The following ADAMTS19 variants were observed in gnomAD, a reference collection of about 807,000 sequenced individuals.
The protein encoded by ADAMTS19 is A disintegrin and metalloproteinase with thrombospondin motifs 19.
Under a neutral mutation model 153.3 loss-of-function variants are expected in ADAMTS19, and 93 were observed. That is an observed-to-expected ratio of 0.61 (90% CI 0.51 to 0.72). The LOEUF is 0.72. Ranked by LOEUF, ADAMTS19 falls within the 30% of genes least tolerant of loss-of-function variation. ADAMTS19 has a pLI of 0.00. For synonymous variants in ADAMTS19, 600 were observed against 556.6 expected (o/e 1.08, Z -1.10); for missense variants, 1,482 against 1,552.1 (o/e 0.95, Z 0.76).
intron 6 of ADAMTS19, among the ~76,000 whole-genome samples, chr5:129,532,560 C>T (rs558970860): frequency 2.0e-5 from 3 of 152,212 alleles, no homozygotes; most frequent in Admixed American, 6.5e-5. Flanking sequence ...ATTTGCTTAC[C>T]ATTTAGCCCA....
chr5:129,687,754 T>G (rs1028157917), intron 18 of ADAMTS19, among the ~76,000 whole-genome samples: 1 of 152,182 alleles, frequency 6.6e-6, no homozygotes, highest in African/African-American at 2.4e-5. Context: ...ACTGCCTTCA[T>G]GAATGGCTCA....
chr5:129,527,375 GTT>G (rs1023134798), intron 4 of ADAMTS19, among the ~76,000 whole-genome samples: 6 of 140,310 alleles, frequency 4.3e-5, no homozygotes, highest in Admixed American at 7.2e-5. Flanking sequence ...GGGGAACAGA[GTT>G]TTTTTTTTTT....
intron 21 of ADAMTS19, among the ~76,000 whole-genome samples, chr5:129,714,456 T>G (rs1037271085): frequency 7.5e-5 from 11 of 147,606 alleles, no homozygotes; most frequent in African/African-American, 1.3e-4. Context: ...AAAATATATA[T>G]CTATAGGTCT....
At chr5:129,676,036 G>GA (rs1308088024) in intron 16 of ADAMTS19, among the ~76,000 whole-genome samples, 2 of 151,826 alleles carry the variant, frequency 1.3e-5, no homozygotes, top group African/African-American at 4.8e-5. Context: ...CTCCATCTCA[G>GA]AAAAAATAAT....
chr5:129,543,070 AAGG>A (rs1752715532), intron 6 of ADAMTS19, among the ~76,000 whole-genome samples: 1 of 148,238 alleles, frequency 6.7e-6, no homozygotes, highest in African/African-American at 2.5e-5. Flanking sequence ...TTAATTTAAG[AAGG>A]AGTTTTGCTC....
intron 2 of ADAMTS19, among the ~76,000 whole-genome samples, chr5:129,506,387 G>GT (rs1412135552): frequency 6.6e-6 from 1 of 151,778 alleles, no homozygotes; most frequent in Non-Finnish European, 1.5e-5. Context: ...ATTCCAACTT[G>GT]TTTTTTCCTT....
At chr5:129,581,199 T>C (rs1259855239) in intron 7 of ADAMTS19, among the ~76,000 whole-genome samples, 2 of 152,208 alleles carry the variant, frequency 1.3e-5, no homozygotes, top group Non-Finnish European at 2.9e-5. Context: ...CTATTTCTTC[T>C]AGATTTTCTA....
intron 17 of ADAMTS19, 145 bp downstream of exon 17, chr5:129,680,066 T>C (rs987743041): frequency 2.2e-6 from 2 of 929,528 alleles, no homozygotes; most frequent in Admixed American, 7.1e-5. Flanking sequence ...TTAGAGGTTT[T>C]GTAAAATGTG....
At position 129,683,771 on chromosome 5, in the gene ADAMTS19, G is replaced by T. The variant is rs142961416; in HGVS notation, c.2665-349G>T. On this transcript the variant is annotated intron_variant, in intron 17 of 22. Transcript: ENST00000274487. ...CCACTTTTGCCCACCTCCAACTAAA[G>T]TCATCTTATACATTTACTATGCTTT... Among the ~76,000 whole-genome samples, 12 of 150,512 alleles carry T rather than the reference G, an allele frequency of 8.0e-5. No homozygotes were observed. The East Asian group carries it at 2.3e-3, about 29-fold the overall frequency.
intron 10 of ADAMTS19, among the ~76,000 whole-genome samples, chr5:129,630,514 T>C (rs1357292747): frequency 1.3e-5 from 2 of 152,042 alleles, no homozygotes; most frequent in African/African-American, 4.8e-5. Context: ...AATGGGTAAA[T>C]AAAAGCTTTT....
intron 16 of ADAMTS19, among the ~76,000 whole-genome samples, chr5:129,672,244 C>T (rs576884270): frequency 4.5e-4 from 69 of 152,202 alleles, no homozygotes; most frequent in African/African-American, 1.7e-3. Flanking sequence ...TCATCTAATC[C>T]TAATTACCTC....
At chr5:129,484,091 G>A (rs1750510598) in intron 2 of ADAMTS19, among the ~76,000 whole-genome samples, 1 of 151,996 alleles carries the variant, frequency 6.6e-6, no homozygotes, top group Non-Finnish European at 1.5e-5. Flanking sequence ...AATTTTTAAT[G>A]TTTATTTCCA....
chr5:129,529,513 C>A (rs1029010266), intron 6 of ADAMTS19, among the ~76,000 whole-genome samples: 1 of 152,134 alleles, frequency 6.6e-6, no homozygotes, highest in Admixed American at 6.6e-5. Flanking sequence ...GTTTCTGCAA[C>A]AAGCAATCAT....
At position 129,694,756 on chromosome 5, in the gene ADAMTS19, T is replaced by C. The variant is rs1755480889; in HGVS notation, c.2855T>C (p.Met952Thr). 2 of 1,606,494 alleles carry C rather than the reference T, an allele frequency of 1.2e-6. No homozygotes were observed. The highest frequency in any genetic ancestry group is 1.3e-5 in the African/African-American group (1 of 74,588). The change falls in exon 19 of 23, where the codon ATG (methionine) becomes ACG (threonine). Residue 952 changes from methionine (M) to threonine (T), a missense_variant. Coordinates refer to ENST00000274487, the MANE Select transcript of ADAMTS19 (RefSeq NM_133638.6). ...ACAACAGTGTCCTGCACAAAAATCA[T>C]GAGCAAAAATATCAGCATTGTGGAC... is the stretch of plus-strand genomic sequence containing the variant. ...RKTTVSCTKI[M>T]SKNISIVDNE...
chr5:129,577,750 T>C (rs1293933802), intron 7 of ADAMTS19, among the ~76,000 whole-genome samples: 1 of 152,088 alleles, frequency 6.6e-6, no homozygotes, highest in Non-Finnish European at 1.5e-5. Flanking sequence ...TTTTGACTGA[T>C]TTGACAAATT....
intron 21 of ADAMTS19, among the ~76,000 whole-genome samples, chr5:129,719,616 A>T (rs1756891422): frequency 6.6e-6 from 1 of 152,224 alleles, no homozygotes; most frequent in East Asian, 1.9e-4. Context: ...ACAAATATGG[A>T]ACATTTTCTC....
chr5:129,733,936 AGTGTGTGC>A (rs1470553590), intron 21 of ADAMTS19, among the ~76,000 whole-genome samples: 66 of 143,454 alleles, frequency 4.6e-4, no homozygotes, highest in African/African-American at 1.5e-3. Context: ...GGATAAAGCA[AGTGTGTGC>A]GTGTGTGTGT....
intron 7 of ADAMTS19, among the ~76,000 whole-genome samples, chr5:129,563,391 G>A (rs1029828249): frequency 1.3e-5 from 2 of 152,122 alleles, no homozygotes; most frequent in Non-Finnish European, 2.9e-5. Context: ...TGGACTAGGC[G>A]AAGAATAGGT....
At chr5:129,576,058 G>C (rs1754087208) in intron 7 of ADAMTS19, among the ~76,000 whole-genome samples, 1 of 151,408 alleles carries the variant, frequency 6.6e-6, no homozygotes, top group African/African-American at 2.4e-5. Context: ...GGGAGGAAGG[G>C]GGTGGGTGGG....
Sources: allele counts gnomAD v4.1 joint callset (sites outside exome capture counted in the v4.1 genomes callset), GRCh38; gene constraint gnomAD v4.1.1; transcripts MANE v1.5; gene names NCBI Gene and HGNC (gene_info 2026-07-23, HGNC 2026-07-21).